Variants in ALX4 observed in about 807,000 individuals in gnomAD.
ALX4 encodes ALX homeobox 4.
Under a neutral mutation model 40.6 loss-of-function variants are expected in ALX4, and 22 were observed. The ratio of observed to expected loss-of-function variants is 0.54; its 90% CI spans 0.39 to 0.77. The LOEUF is 0.77. Ranked by LOEUF, ALX4 falls within the 30% of genes least tolerant of loss-of-function variation. The probability of loss-of-function intolerance (pLI) is 0.00; values close to 1 mark genes in which losing one functional copy is unlikely to be tolerated. For synonymous variants in ALX4, 266 were observed against 240.5 expected (o/e 1.11, Z -0.98); for missense variants, 556 against 564.8 (o/e 0.98, Z 0.16).
rs1425351271 is a variant in ALX4, at chr11:44,275,662, A to G, written c.467-4T>C. ...TCACCCAGGGAGCTCTCTTTAGCTG[A>G]GGGAGGAGGAAACAAAGTCAGAAAC... On this transcript the variant is annotated splice_polypyrimidine_tract_variant and splice_region_variant and intron_variant, in intron 1 of 3. Coordinates refer to ENST00000652299, the MANE Select transcript of ALX4 (RefSeq NM_021926.4). 4 of 1,611,680 alleles carry G rather than the reference A, an allele frequency of 2.5e-6. No homozygotes were observed. In the South Asian group the frequency reaches 4.4e-5, roughly 18 times the overall value.
intron 2 of ALX4, 25 bp downstream of exon 2, chr11:44,275,323 T>G: frequency 1.2e-6 from 2 of 1,613,818 alleles, no homozygotes; most frequent in Non-Finnish European, 8.5e-7. Context: ...TTTACCAGCC[T>G]CACTCCCAGG....
chr11:44,281,417 C>T (rs1956309390), intron 1 of ALX4, among the ~76,000 whole-genome samples: 1 of 151,866 alleles, frequency 6.6e-6, no homozygotes, highest in Non-Finnish European at 1.5e-5. Context: ...TGTGTGGAGC[C>T]GTGCACAGGC....
intron 2 of ALX4, among the ~76,000 whole-genome samples, chr11:44,270,388 C>T (rs1218141106): frequency 1.3e-5 from 2 of 151,984 alleles, no homozygotes; most frequent in Non-Finnish European, 1.5e-5. Flanking sequence ...CCACCTCCTC[C>T]CTCCTTCTTC....
At chr11:44,286,480 T>C (rs753778508) in intron 1 of ALX4, among the ~76,000 whole-genome samples, 20 of 152,110 alleles carry the variant, frequency 1.3e-4, no homozygotes, top group African/African-American at 2.9e-4. Context: ...CAGTTGTGCA[T>C]GCTGGCCACC....
At position 44,284,964 on chromosome 11, in the gene ALX4, A is replaced by G. The variant is rs567121609; in HGVS notation, c.467-9306T>C. Among the ~76,000 whole-genome samples the G allele has an allele frequency of 2.6e-5, 4 of 151,774 alleles. No homozygotes were observed. The South Asian group carries it at 8.4e-4, about 32-fold the overall frequency. The stretch of plus-strand genomic sequence containing the variant: ...ACACAGAGAAAACATTACTTTGTAA[A>G]CTTTTGTGTTTTTTTTTGAGATGGA... On this transcript the variant is annotated intron_variant, in intron 1 of 3. Coordinates refer to ENST00000652299, the MANE Select transcript of ALX4 (RefSeq NM_021926.4).
At chr11:44,300,124 A>T (rs1362936497) in intron 1 of ALX4, among the ~76,000 whole-genome samples, 2 of 152,134 alleles carry the variant, frequency 1.3e-5, no homozygotes, top group African/African-American at 4.8e-5. Flanking sequence ...CCTTTGGCAG[A>T]CTGGACCAGC....
intron 2 of ALX4, among the ~76,000 whole-genome samples, chr11:44,273,758 A>G (rs1956261995): frequency 6.6e-6 from 1 of 152,086 alleles, no homozygotes; most frequent in Non-Finnish European, 1.5e-5. Context: ...TGAGACCAAC[A>G]TGGACAACAA....
At chr11:44,276,335 T>A (rs1340897427) in intron 1 of ALX4, among the ~76,000 whole-genome samples, 3 of 152,024 alleles carry the variant, frequency 2.0e-5, no homozygotes, top group Non-Finnish European at 2.9e-5. Context: ...GGGCCACATT[T>A]CCTGTTACAA....
rs1219613656 is a variant in ALX4 at position 44,264,213 on chromosome 11, C to T, written c.*641G>A. The T allele has an allele frequency of 6.5e-6, 1 of 154,180 alleles. No homozygotes were observed. The highest frequency in any genetic ancestry group is 1.4e-5 in the Non-Finnish European group (1 of 69,644). The allele number at this position is 154,180 out of a possible 1,614,324, so 9.6% of individuals were successfully genotyped here. On this transcript the variant is annotated 3_prime_UTR_variant, in exon 4 of 4. Transcript: ENST00000652299. ...GGCTCCAGCTCCTGTCATCCTCTGC[C>T]CACTCTCTCCAGGTGTATCCAGCCT... is the stretch of plus-strand genomic sequence containing the variant.
intron 1 of ALX4, among the ~76,000 whole-genome samples, chr11:44,293,106 AGG>A (rs1212141479): frequency 1.9e-3 from 11 of 5,890 alleles, no homozygotes; most frequent in Non-Finnish European, 6.1e-3. Flanking sequence ...GAGAGAAGGA[AGG>A]AAGGAAGGAA....
rs1956289071 is a variant in ALX4 at position 44,278,217 on chromosome 11, G to A, written c.467-2559C>T. Among the ~76,000 whole-genome samples the A allele has an allele frequency of 2.0e-5, 3 of 152,108 alleles. No homozygotes were observed. The South Asian group carries it at 6.2e-4, about 32-fold the overall frequency. ...CAGCAATGGGAGCTCCATGTTACAG[G>A]AACTGAGAGTTGGTATGGACCAGCC... On this transcript the variant is annotated intron_variant, in intron 1 of 3. Transcript: ENST00000652299.
At chr11:44,275,013 C>G (rs534556649) in intron 2 of ALX4, among the ~76,000 whole-genome samples, 1 of 152,144 alleles carries the variant, frequency 6.6e-6, no homozygotes, top group Admixed American at 6.6e-5. Flanking sequence ...ACAAGTAACC[C>G]TTCTCTGTGT....
Position 44,265,039 on chromosome 11 carries a change from T to A in ALX4, c.1051A>T (p.Ser351Cys). The change falls in exon 4 of 4, where the codon AGT becomes TGT. Residue 351 changes from serine to cysteine, a missense_variant. Physicochemically the swap from Ser to Cys is moderately radical, Grantham distance 112. Coordinates refer to ENST00000652299, the MANE Select transcript of ALX4 (RefSeq NM_021926.4). ...ACGTGACTGCCAGCCCCAGACACAC[T>A]CAGGAAGTCGGTGACGCTGCTGGCC... ...SGASSVTDFLSVSGAGSHVGQ... is the reference protein window; with the variant it reads ...SGASSVTDFLCVSGAGSHVGQ... The A allele has an allele frequency of 6.2e-7, 1 of 1,612,960 alleles. No homozygotes were observed. The highest frequency in any genetic ancestry group is 8.5e-7 in the Non-Finnish European group (1 of 1,179,900).
At chr11:44,306,873 C>T (rs1303817261) in intron 1 of ALX4, among the ~76,000 whole-genome samples, 1 of 152,120 alleles carries the variant, frequency 6.6e-6, no homozygotes, top group African/African-American at 2.4e-5. Flanking sequence ...AGACCTAACG[C>T]GCCTAATCCC....
chr11:44,304,849 C>G (rs144492221), intron 1 of ALX4, among the ~76,000 whole-genome samples: 1 of 152,218 alleles, frequency 6.6e-6, no homozygotes. Flanking sequence ...TGTTTTCCTA[C>G]TGCGTGCCGG....
chr11:44,285,983 G>T (rs1307765842), intron 1 of ALX4, among the ~76,000 whole-genome samples: 1 of 152,238 alleles, frequency 6.6e-6, no homozygotes, highest in East Asian at 1.9e-4. Flanking sequence ...GTGTGTGCCT[G>T]GGTTGAGGGA....
intron 1 of ALX4, among the ~76,000 whole-genome samples, chr11:44,293,917 C>T (rs778730132): frequency 4.6e-5 from 7 of 152,140 alleles, no homozygotes; most frequent in South Asian, 2.1e-4. Context: ...GGTGTCTGGG[C>T]GGTCAGGGGA....
At chr11:44,286,524 C>T (rs890020182) in intron 1 of ALX4, among the ~76,000 whole-genome samples, 2 of 152,120 alleles carry the variant, frequency 1.3e-5, no homozygotes, top group African/African-American at 4.8e-5. Flanking sequence ...AGTCACTGGA[C>T]GGAAGGTGAT....
intron 1 of ALX4, among the ~76,000 whole-genome samples, chr11:44,289,859 C>T (rs1434862927): frequency 6.6e-6 from 1 of 152,174 alleles, no homozygotes; most frequent in Non-Finnish European, 1.5e-5. Flanking sequence ...AGCTCCATCT[C>T]ATGGCGTGGG....
Sources: gnomAD v4.1 joint callset for allele counts (sites outside exome capture counted in the v4.1 genomes callset) on GRCh38, gnomAD v4.1.1 for gene constraint, MANE v1.5 for transcripts, NCBI Gene and HGNC (gene_info 2026-07-23, HGNC 2026-07-21) for gene names.